The following CNGB1 variants were observed in gnomAD, a reference collection of about 807,000 sequenced individuals.
The protein encoded by CNGB1 is cyclic nucleotide gated channel subunit beta 1, also known as cyclic nucleotide-gated channel beta-1.
In CNGB1, 126 loss-of-function variants were observed where a neutral mutation model predicts 151.7. The observed-to-expected ratio is 0.83, with a 90% CI of 0.72 to 0.96. CNGB1 has a LOEUF of 0.96. Among genes scored for constraint, CNGB1 ranks in the 40% least tolerant of loss-of-function variants. The pLI, the probability that CNGB1 is intolerant of heterozygous loss-of-function variation, is 0.00. For synonymous variants in CNGB1, 623 were observed against 635.1 expected (o/e 0.98, Z 0.29); for missense variants, 1,698 against 1,627.0 (o/e 1.04, Z -0.75).
At chr16:57,900,804 C>A (rs1960363184) in intron 29 of CNGB1, among the ~76,000 whole-genome samples, 1 of 151,764 alleles carries the variant, frequency 6.6e-6, no homozygotes, top group African/African-American at 2.4e-5. Context: ...AATTTTTATA[C>A]AAAATCTCCA....
intron 22 of CNGB1, among the ~76,000 whole-genome samples, chr16:57,915,813 T>G (rs1401500963): frequency 9.1e-5 from 13 of 143,436 alleles, no homozygotes; most frequent in African/African-American, 2.6e-4. Context: ...GCAGGAGGAG[T>G]GCTTGAACGA....
Position 57,897,533 on chromosome 16 carries a change from C to G in CNGB1, c.3106G>C (p.Val1036Leu), listed in dbSNP as rs750379218. ...SVFGEISLLA[V>L]GGGNRRTANV... ...GCCGTGCGCCGGTTCCCGCCCCCAA[C>G]AGCCAGCAAGCTGGGGCAGAGAAGG... Residue 1036 changes from valine (V) to leucine (L), a missense_variant, in exon 31 of 33, where the codon GTT becomes CTT. Coordinates refer to ENST00000251102, the MANE Select transcript of CNGB1 (RefSeq NM_001297.5). 1 of 1,614,142 alleles carries G rather than the reference C, an allele frequency of 6.2e-7. No individual in the cohort carries two copies. The highest frequency in any genetic ancestry group is 1.7e-5 in the Admixed American group (1 of 60,028).
chr16:57,948,727 C>A (rs1265681172), intron 14 of CNGB1, among the ~76,000 whole-genome samples: 1 of 152,202 alleles, frequency 6.6e-6, no homozygotes, highest in African/African-American at 2.4e-5. Flanking sequence ...CAACTGCCTG[C>A]TCTTCCCCAT....
rs1408219288 is a variant in CNGB1, at chr16:57,940,128, T to C, written c.1209+106A>G. On this transcript the variant is annotated intron_variant, in intron 15 of 32. Coordinates refer to ENST00000251102, the MANE Select transcript of CNGB1 (RefSeq NM_001297.5). ...CCCTGCTCCCTCTGTCCTGCGGGCA[T>C]CTTACCAGCCAAAACTCCCCCTGTA... 5 of 1,123,404 alleles carry C rather than the reference T, an allele frequency of 4.5e-6. No individual in the cohort carries two copies. In the East Asian group the frequency reaches 1.3e-4, roughly 29 times the overall value. The allele number at this position is 1,123,404 out of a possible 1,614,324, so 69.6% of individuals were successfully genotyped here.
chr16:57,882,867 T>C lies in CNGB1; in HGVS notation c.*1297A>G, dbSNP rs1425965067. 1.3e-5 allele frequency: 2 copies of C among 151,412 alleles called. No homozygotes were observed. The highest frequency in any genetic ancestry group is 4.9e-5 in the African/African-American group (2 of 41,072). 9.4% of individuals were successfully genotyped at this position (151,412 alleles called of 1,614,324 possible). A position where few individuals can be genotyped will look rare whatever the true frequency, so the allele number is the denominator to read the frequency against. On this transcript the variant is annotated 3_prime_UTR_variant, in exon 33 of 33. Transcript: ENST00000251102. ...TCTGGAAAGCTTTAGGGAATGTAAG[T>C]GCTGTCATCAGCTGGGAGATTTCAT...
At chr16:57,922,427 C>CTTTTTTTTTTTTT (rs202188548) in intron 18 of CNGB1, among the ~76,000 whole-genome samples, 5 of 142,050 alleles carry the variant, frequency 3.5e-5, no homozygotes, top group African/African-American at 1.2e-4. Context: ...TTCTTTCTTT[C>CTTTTTTTTTTTTT]TTTCTTTTTT....
rs770189177 is a variant in CNGB1, at chr16:57,897,824, T to G, written c.3067A>C (p.Lys1023Gln). 6.2e-6 allele frequency: 10 copies of G among 1,614,204 alleles called. No individual in the cohort carries two copies. The highest frequency in any genetic ancestry group is 6.8e-6 in the Non-Finnish European group (8 of 1,180,036). Residue 1023 changes from lysine to glutamine, a missense_variant, in exon 30 of 33, where the codon AAA becomes CAA. Lys to Gln is a moderately conservative substitution (Grantham distance 53, BLOSUM62 1). Coordinates refer to ENST00000251102, the MANE Select transcript of CNGB1 (RefSeq NM_001297.5). ...ATTTCTCCAAACACAGATCCAGCTTTCAGCGTCACCAGCACAGATTTCCCA... is the reference window on the plus strand; with the variant it reads ...ATTTCTCCAAACACAGATCCAGCTTGCAGCGTCACCAGCACAGATTTCCCA... ...PDGKSVLVTL[K>Q]AGSVFGEISL... is the part of the protein sequence containing the mutation.
intron 10 of CNGB1, 149 bp from the exon 11 acceptor site, chr16:57,958,634 C>G (rs947020673): frequency 8.9e-6 from 6 of 676,816 alleles, no homozygotes; most frequent in Non-Finnish European, 1.6e-5. Flanking sequence ...GCCCTGAAGA[C>G]CATTCTCCCC....
chr16:57,953,666 A>G (rs1447298421), intron 12 of CNGB1, among the ~76,000 whole-genome samples: 2 of 151,918 alleles, frequency 1.3e-5, no homozygotes, highest in Non-Finnish European at 2.9e-5. Flanking sequence ...CCTTTCTGGC[A>G]GGCCTGGGTC....
intron 12 of CNGB1, among the ~76,000 whole-genome samples, chr16:57,951,236 G>T (rs1961941909): frequency 6.6e-6 from 1 of 152,158 alleles, no homozygotes; most frequent in Admixed American, 6.5e-5. Context: ...GTCTCATCAG[G>T]AACCTAAGCC....
chr16:57,927,134 C>T (rs746832965), intron 17 of CNGB1, among the ~76,000 whole-genome samples: 6 of 152,314 alleles, frequency 3.9e-5, no homozygotes, highest in Admixed American at 6.5e-5. Flanking sequence ...TGCAGTAGCT[C>T]GTTAAATTCT....
In CNGB1 at chr16:57,903,902, T is replaced by A; in HGVS notation, c.2714A>T (p.Asn905Ile). Residue 905 changes from asparagine to isoleucine, a missense_variant, in exon 27 of 33, where the codon AAT becomes ATT. Asn to Ile is a moderately radical substitution (Grantham distance 149). Coordinates refer to ENST00000251102, the MANE Select transcript of CNGB1 (RefSeq NM_001297.5). ...CACGGACTTGGGGATCTTGTAGAAA[T>A]TCATGTACTTCACCGTGCTGTCCAT... ...SCMDSTVKYM[N>I]FYKIPKSVQN... 1 of 1,614,120 alleles carries A rather than the reference T, an allele frequency of 6.2e-7. No individual in the cohort carries two copies. Among genetic ancestry groups the A allele is most frequent in the Non-Finnish European group, 8.5e-7 (1 of 1,180,038 alleles).
intron 16 of CNGB1, among the ~76,000 whole-genome samples, chr16:57,936,383 T>C (rs1369078769): frequency 1.3e-5 from 2 of 152,146 alleles, no homozygotes; most frequent in Admixed American, 1.3e-4. Context: ...AGACTCCCTG[T>C]CCAAGCCTCT....
intron 31 of CNGB1, among the ~76,000 whole-genome samples, chr16:57,892,698 G>A (rs1960125453): frequency 6.6e-6 from 1 of 152,126 alleles, no homozygotes; most frequent in Non-Finnish European, 1.5e-5. Flanking sequence ...ACCAAGCTAT[G>A]CTAATTTTCT....
chr16:57,966,387 C>A (rs192339387), intron 2 of CNGB1, among the ~76,000 whole-genome samples: 2 of 152,164 alleles, frequency 1.3e-5, no homozygotes, highest in Non-Finnish European at 1.5e-5. Context: ...TCAAATGTGT[C>A]GAATTGAGCT....
chr16:57,922,155 T>G (rs1390375275), intron 18 of CNGB1, among the ~76,000 whole-genome samples: 9 of 152,164 alleles, frequency 5.9e-5, no homozygotes, highest in Non-Finnish European at 1.2e-4. Flanking sequence ...ACAGCTCTGT[T>G]AAGCATAAAC....
At chr16:57,924,409 C>T (rs1961129178) in intron 17 of CNGB1, among the ~76,000 whole-genome samples, 1 of 152,054 alleles carries the variant, frequency 6.6e-6, no homozygotes, top group Non-Finnish European at 1.5e-5. Context: ...GAGGACTCCG[C>T]CCAGGCCAAT....
In CNGB1 at chr16:57,962,808, G is replaced by A. The variant is rs370294296; in HGVS notation, c.412+34C>T. 1.6e-4 allele frequency: 250 copies of A among 1,611,932 alleles called. 1 individual carries two copies. The African/African-American group carries it at 2.9e-3, about 19-fold the overall frequency. ...AGCAGCCCCTCAGCCCCTCAGCCCT[G>A]CTGCTGAAAAGCCATCCTGCCCCTT... On this transcript the variant is annotated intron_variant, in intron 6 of 32. Transcript: ENST00000251102.
At chr16:57,929,932 T>A (rs247051) in intron 17 of CNGB1, among the ~76,000 whole-genome samples, 36,134 of 151,790 alleles carry the variant, frequency 0.24, 4,534 homozygotes, top group East Asian at 0.44. Flanking sequence ...ATCCAAAAAA[T>A]AAATAAATAA....
Sources: gnomAD v4.1 joint callset for allele counts (sites outside exome capture counted in the v4.1 genomes callset) on GRCh38, gnomAD v4.1.1 for gene constraint, MANE v1.5 for transcripts, NCBI Gene and HGNC (gene_info 2026-07-23, HGNC 2026-07-21) for gene names.